CADPS: variants seen among roughly 807,000 people sequenced by gnomAD.
CADPS encodes the protein calcium dependent secretion activator, also known as calcium-dependent secretion activator 1.
A neutral mutation model predicts 167.3 loss-of-function variants in CADPS; 57 were observed. The ratio of observed to expected loss-of-function variants is 0.34; its 90% CI spans 0.28 to 0.42. The LOEUF is 0.42. Ranked by LOEUF, CADPS falls within the 20% of genes least tolerant of loss-of-function variation. The probability of loss-of-function intolerance (pLI) is 1.00; values close to 1 mark genes in which losing one functional copy is unlikely to be tolerated. For synonymous variants in CADPS, 676 were observed against 635.3 expected (o/e 1.06, Z -0.96); for missense variants, 1,414 against 1,738.1 (o/e 0.81, Z 3.32).
At chr3:62,582,187 T>C (rs570137327) in intron 8 of CADPS, among the ~76,000 whole-genome samples, 44 of 152,364 alleles carry the variant, frequency 2.9e-4, no homozygotes, top group African/African-American at 8.2e-4. Flanking sequence ...GGCTCATGCC[T>C]GTAATCCCAG....
chr3:62,621,061 C>T (rs2063096510), intron 6 of CADPS, among the ~76,000 whole-genome samples: 1 of 152,168 alleles, frequency 6.6e-6, no homozygotes, highest in South Asian at 2.1e-4. Context: ...CTGGATCCAG[C>T]ATCTTTGTTT....
At chr3:62,516,676 A>G (rs778272169) in intron 14 of CADPS, 33 bp from the exon 15 acceptor site, 5 of 1,504,766 alleles carry the variant, frequency 3.3e-6, no homozygotes, top group Non-Finnish European at 4.6e-6. Flanking sequence ...GGTTGCCTAA[A>G]TTATTACATT....
At chr3:62,516,502 T>C (rs774857469) in intron 15 of CADPS, 78 bp downstream of exon 15, 1 of 1,180,304 alleles carries the variant, frequency 8.5e-7, no homozygotes, top group Admixed American at 2.2e-5. Context: ...AACTAGGTCA[T>C]TCAACCAAAA....
At chr3:62,732,615 C>T (rs1439721467) in intron 3 of CADPS, among the ~76,000 whole-genome samples, 2 of 152,228 alleles carry the variant, frequency 1.3e-5, no homozygotes. Flanking sequence ...CATTCATGCA[C>T]TTATTCACTG....
chr3:62,445,433 A>G (rs1482091825), intron 27 of CADPS, among the ~76,000 whole-genome samples: 3 of 152,172 alleles, frequency 2.0e-5, no homozygotes, highest in Non-Finnish European at 4.4e-5. Flanking sequence ...TTTCCTCTGA[A>G]GGTGTGCACA....
At chr3:62,646,683 G>T (rs980776240) in intron 5 of CADPS, among the ~76,000 whole-genome samples, 4 of 152,190 alleles carry the variant, frequency 2.6e-5, no homozygotes, top group Non-Finnish European at 5.9e-5. Flanking sequence ...CTTCTGAAGG[G>T]AGCAGCTGCC....
At chr3:62,579,481 T>G (rs558546410) in intron 8 of CADPS, among the ~76,000 whole-genome samples, 8 of 152,184 alleles carry the variant, frequency 5.3e-5, no homozygotes, top group Admixed American at 3.9e-4. Context: ...AAGAAGTATA[T>G]GATATACATG....
At chr3:62,558,264 C>T (rs1014450575) in intron 9 of CADPS, among the ~76,000 whole-genome samples, 18 of 152,202 alleles carry the variant, frequency 1.2e-4, no homozygotes, top group African/African-American at 9.6e-5. Flanking sequence ...TAATGGCAGC[C>T]CTCACTCTAC....
At chr3:62,547,499 T>A (rs962265647) in intron 11 of CADPS, among the ~76,000 whole-genome samples, 2 of 150,242 alleles carry the variant, frequency 1.3e-5, no homozygotes, top group African/African-American at 2.5e-5. Flanking sequence ...CACTAGGTAC[T>A]GATAAATCCC....
At chr3:62,632,067 A>T (rs1239799270) in intron 6 of CADPS, among the ~76,000 whole-genome samples, 1 of 152,234 alleles carries the variant, frequency 6.6e-6, no homozygotes, top group Non-Finnish European at 1.5e-5. Flanking sequence ...TACAGGACAT[A>T]ACTAGCTGTG....
chr3:62,410,286 A>T (rs940533897), intron 28 of CADPS, among the ~76,000 whole-genome samples: 3 of 152,208 alleles, frequency 2.0e-5, no homozygotes, highest in African/African-American at 7.2e-5. Flanking sequence ...ACTGAGTTCT[A>T]TTGTTAGTTC....
Position 62,491,488 on chromosome 3 carries a change from A to G in CADPS, c.2885-8T>C. 9 of 1,612,910 alleles carry G rather than the reference A, an allele frequency of 5.6e-6. No individual in the cohort carries two copies. The highest frequency in any genetic ancestry group is 7.6e-6 in the Non-Finnish European group (9 of 1,179,532). Reference sequence around the variant, plus strand: ...TTCCATTGCACAAATTATCTAGAACAGATAAGCAAAAGCTTGTTAAGAACC... The same window carrying G: ...TTCCATTGCACAAATTATCTAGAACGGATAAGCAAAAGCTTGTTAAGAACC... On this transcript the variant is annotated splice_region_variant and splice_polypyrimidine_tract_variant and intron_variant, in intron 20 of 29. Coordinates refer to ENST00000383710, the MANE Select transcript of CADPS (RefSeq NM_003716.4).
chr3:62,573,299 A>G (rs1176616906), intron 8 of CADPS, among the ~76,000 whole-genome samples: 1 of 152,036 alleles, frequency 6.6e-6, no homozygotes, highest in Non-Finnish European at 1.5e-5. Context: ...TTATTACGGT[A>G]TTTTTATTTT....
chr3:62,572,427 C>T (rs2081458629), intron 8 of CADPS, among the ~76,000 whole-genome samples: 3 of 152,076 alleles, frequency 2.0e-5, no homozygotes, highest in Admixed American at 2.0e-4. Flanking sequence ...TTCAGGGACA[C>T]GAGAATGATT....
chr3:62,419,634 T>A (rs1226906573), intron 28 of CADPS, among the ~76,000 whole-genome samples: 2 of 152,162 alleles, frequency 1.3e-5, no homozygotes, highest in Non-Finnish European at 2.9e-5. Context: ...GGATTCAGCG[T>A]ATGAACTGAA....
intron 3 of CADPS, among the ~76,000 whole-genome samples, chr3:62,738,587 G>A (rs566476169): frequency 5.9e-5 from 9 of 152,130 alleles, no homozygotes; most frequent in East Asian, 1.9e-4. Flanking sequence ...TTAACTGAGC[G>A]TGGTGGCAGG....
chr3:62,749,192 T>G (rs570378479), intron 3 of CADPS, among the ~76,000 whole-genome samples: 1 of 152,244 alleles, frequency 6.6e-6, no homozygotes, highest in Non-Finnish European at 1.5e-5. Context: ...GTTAAGAAAC[T>G]CCGTGGGCAA....
chr3:62,775,822 G>T (rs566387089), intron 1 of CADPS, among the ~76,000 whole-genome samples: 9 of 152,106 alleles, frequency 5.9e-5, no homozygotes, highest in Non-Finnish European at 1.0e-4. Context: ...TATTAAAAAG[G>T]TGTGTGCCCA....
rs565756948 is a variant in CADPS at position 62,824,186 on chromosome 3, AAAAG to A, written c.441+50399_441+50402del. The stretch of plus-strand genomic sequence containing the variant: ...AACTTCAAAAAAAAAAAAAAAAGAA[AAAAG>A]AAAGAAAGAAAGAAAAAGAATGTCT... On this transcript the variant is annotated intron_variant, in intron 1 of 29. Transcript: ENST00000383710. 6.1e-4 allele frequency among the ~76,000 whole-genome samples: 93 copies of A among 152,118 alleles called. 2 individuals carry two copies. In the South Asian group the frequency reaches 0.017, roughly 28 times the overall value.
Sources: allele counts gnomAD v4.1 joint callset (sites outside exome capture counted in the v4.1 genomes callset), GRCh38; gene constraint gnomAD v4.1.1; transcripts MANE v1.5; gene names NCBI Gene and HGNC (gene_info 2026-07-23, HGNC 2026-07-21).